The following NEK11 variants were observed in gnomAD, a reference collection of about 807,000 sequenced individuals.
NEK11 encodes the protein NIMA related kinase 11, also known as serine/threonine-protein kinase Nek11.
A neutral mutation model predicts 80.7 loss-of-function variants in NEK11; 72 were observed. That is an observed-to-expected ratio of 0.89 (90% CI 0.74 to 1.08). NEK11 has a LOEUF of 1.08. Among genes scored for constraint, NEK11 ranks in the 50% least tolerant of loss-of-function variants. The pLI is 0.00. For missense variants in NEK11, 764 were observed against 763.6 expected, an observed-to-expected ratio of 1.00 and a Z score of -0.01; for synonymous variants, 251 against 260.7, an observed-to-expected ratio of 0.96 and a Z score of 0.36.
At chr3:131,166,428 C>G (rs1489512808) in intron 12 of NEK11, among the ~76,000 whole-genome samples, 1 of 152,206 alleles carries the variant, frequency 6.6e-6, no homozygotes, top group East Asian at 1.9e-4. Context: ...CTCAGCCAGA[C>G]AGGGCCCCTC....
intron 17 of NEK11, among the ~76,000 whole-genome samples, 177 bp from the exon 18 acceptor site, chr3:131,349,380 G>A (rs2097420492): frequency 6.6e-6 from 1 of 152,122 alleles, no homozygotes; most frequent in Non-Finnish European, 1.5e-5. Context: ...AGACATTGAG[G>A]CATTATTTGT....
At chr3:131,127,744 A>G (rs1056142236) in intron 5 of NEK11, among the ~76,000 whole-genome samples, 2 of 107,028 alleles carry the variant, frequency 1.9e-5, no homozygotes, top group African/African-American at 6.6e-5. Flanking sequence ...GAGATGTTAG[A>G]TGATATTACT....
At chr3:131,093,607 G>A (rs560047638) in intron 4 of NEK11, among the ~76,000 whole-genome samples, 2 of 152,190 alleles carry the variant, frequency 1.3e-5, no homozygotes, top group East Asian at 3.9e-4. Context: ...AGTAGAGATG[G>A]GGTTTCACCA....
At chr3:131,167,577 C>T (rs749815854) in intron 12 of NEK11, among the ~76,000 whole-genome samples, 3 of 152,158 alleles carry the variant, frequency 2.0e-5, no homozygotes, top group Non-Finnish European at 4.4e-5. Context: ...TTGTCTTCCT[C>T]TTATAAATCA....
At chr3:131,094,139 G>A (rs2077110441) in intron 4 of NEK11, among the ~76,000 whole-genome samples, 1 of 150,986 alleles carries the variant, frequency 6.6e-6, no homozygotes, top group Non-Finnish European at 1.5e-5. Flanking sequence ...GCAGTAGTGT[G>A]GGTGGTGGGA....
At chr3:131,046,782 T>A (rs2067468073) in intron 3 of NEK11, among the ~76,000 whole-genome samples, 1 of 152,202 alleles carries the variant, frequency 6.6e-6, no homozygotes, top group Non-Finnish European at 1.5e-5. Flanking sequence ...GGCGATGATC[T>A]TTTTGCAATG....
intron 16 of NEK11, among the ~76,000 whole-genome samples, chr3:131,261,764 T>C (rs866468225): frequency 6.6e-6 from 1 of 152,164 alleles, no homozygotes; most frequent in African/African-American, 2.4e-5. Flanking sequence ...ATCATCTGTA[T>C]AGATAGCCTA....
At chr3:131,164,505 G>A (rs1433866513) in intron 11 of NEK11, among the ~76,000 whole-genome samples, 1 of 152,210 alleles carries the variant, frequency 6.6e-6, no homozygotes, top group African/African-American at 2.4e-5. Context: ...AAGGTGCCAT[G>A]ATTCGTGTCA....
At chr3:131,058,271 A>G (rs879723368) in intron 3 of NEK11, among the ~76,000 whole-genome samples, 4 of 152,160 alleles carry the variant, frequency 2.6e-5, no homozygotes, top group Admixed American at 1.3e-4. Flanking sequence ...TACCAGTACC[A>G]TGCTGTTTTG....
At chr3:131,076,564 A>G (rs753940341) in intron 3 of NEK11, among the ~76,000 whole-genome samples, 4 of 152,154 alleles carry the variant, frequency 2.6e-5, no homozygotes, top group Non-Finnish European at 5.9e-5. Flanking sequence ...AAAACAGGCA[A>G]ATGATAAATA....
intron 14 of NEK11, among the ~76,000 whole-genome samples, chr3:131,208,083 G>A (rs1385935522): frequency 1.3e-5 from 2 of 152,128 alleles, no homozygotes; most frequent in Non-Finnish European, 2.9e-5. Context: ...TTCTTCTAGG[G>A]TTTTTATGGT....
chr3:131,095,393 T>A (rs1451699239), intron 4 of NEK11, among the ~76,000 whole-genome samples: 1 of 152,150 alleles, frequency 6.6e-6, no homozygotes, highest in Non-Finnish European at 1.5e-5. Context: ...TTGTTTTCAA[T>A]AGCTTTCAGG....
intron 10 of NEK11, among the ~76,000 whole-genome samples, chr3:131,157,781 G>A (rs74546354): frequency 6.6e-6 from 1 of 152,174 alleles, no homozygotes; most frequent in African/African-American, 2.4e-5. Context: ...GACGCTGGGG[G>A]AATGGGTGAG....
chr3:131,163,749 A>G (rs188593212), intron 11 of NEK11, among the ~76,000 whole-genome samples: 6 of 152,340 alleles, frequency 3.9e-5, no homozygotes. Context: ...CCCACAATGT[A>G]TACATATATA....
chr3:131,272,948 CAACTTTG>C (rs1176830016), intron 16 of NEK11, among the ~76,000 whole-genome samples: 1 of 152,228 alleles, frequency 6.6e-6, no homozygotes, highest in Admixed American at 6.5e-5. Flanking sequence ...CCTCTGAACA[CAACTTTG>C]GCCTTCTGCT....
At chr3:131,272,235 G>A in intron 16 of NEK11, among the ~76,000 whole-genome samples, 1 of 152,096 alleles carries the variant, frequency 6.6e-6, no homozygotes, top group Non-Finnish European at 1.5e-5. Context: ...TTCATAACAT[G>A]AGTCTCTTCT....
intron 2 of NEK11, among the ~76,000 whole-genome samples, chr3:131,029,201 A>C (rs1297005823): frequency 6.6e-6 from 1 of 152,256 alleles, no homozygotes; most frequent in Non-Finnish European, 1.5e-5. Context: ...TTGTAAACCA[A>C]AGTAAATATA....
chr3:131,124,207 C>A (rs1416571127), intron 5 of NEK11, among the ~76,000 whole-genome samples: 1 of 152,174 alleles, frequency 6.6e-6, no homozygotes, highest in Admixed American at 6.5e-5. Context: ...TTCCAGCAGA[C>A]TTCCCTTGTG....
At chr3:131,237,064 G>A (rs1438629018) in intron 15 of NEK11, among the ~76,000 whole-genome samples, 1 of 152,170 alleles carries the variant, frequency 6.6e-6, no homozygotes, top group Non-Finnish European at 1.5e-5. Context: ...GTGGGGCTGG[G>A]TACATTGGCT....
Sources: gnomAD v4.1 joint callset for allele counts (sites outside exome capture counted in the v4.1 genomes callset) on GRCh38, gnomAD v4.1.1 for gene constraint, MANE v1.5 for transcripts, NCBI Gene and HGNC (gene_info 2026-07-23, HGNC 2026-07-21) for gene names.